The following EXOC2 variants were observed in gnomAD, a reference collection of about 807,000 sequenced individuals.
The protein encoded by EXOC2 is exocyst complex component 2, also known as SEC5-like 1.
Under a neutral mutation model 131.8 loss-of-function variants are expected in EXOC2, and 70 were observed. The ratio of observed to expected loss-of-function variants is 0.53; its 90% CI spans 0.44 to 0.65. EXOC2 has a LOEUF of 0.65. EXOC2 is among the 30% of genes least tolerant of loss of function. EXOC2 has a pLI of 0.00. For missense variants in EXOC2, 923 were observed against 1,108.6 expected (o/e 0.83, Z 2.38); for synonymous variants, 411 against 398.4 (o/e 1.03, Z -0.38).
intron 11 of EXOC2, among the ~76,000 whole-genome samples, chr6:578,504 T>C (rs775795402): frequency 2.6e-5 from 4 of 152,200 alleles, no homozygotes; most frequent in Non-Finnish European, 4.4e-5. Context: ...AAAGGCTTGA[T>C]CTGACTGAGG....
intron 22 of EXOC2, among the ~76,000 whole-genome samples, chr6:548,246 T>G (rs539047701): frequency 6.6e-6 from 1 of 152,148 alleles, no homozygotes; most frequent in Non-Finnish European, 1.5e-5. Flanking sequence ...TTTGACATTT[T>G]CACTCTTTGA....
chr6:550,043 G>A (rs1448465005), intron 21 of EXOC2, among the ~76,000 whole-genome samples: 1 of 152,208 alleles, frequency 6.6e-6, no homozygotes, highest in African/African-American at 2.4e-5. Context: ...AAGACTACCT[G>A]GTAAATAAAA....
intron 22 of EXOC2, among the ~76,000 whole-genome samples, chr6:537,857 G>C (rs973959192): frequency 1.3e-5 from 2 of 152,228 alleles, no homozygotes; most frequent in Non-Finnish European, 1.5e-5. Flanking sequence ...GGAACTCCAC[G>C]TAAAGTTCTG....
At chr6:557,605 G>A (rs376321237) in intron 17 of EXOC2, among the ~76,000 whole-genome samples, 56 of 107,268 alleles carry the variant, frequency 5.2e-4, no homozygotes, top group African/African-American at 2.0e-3. Context: ...GTGACAGAGA[G>A]AGACTTCATC....
chr6:514,935 C>T (rs928414527), intron 23 of EXOC2, among the ~76,000 whole-genome samples: 1 of 152,196 alleles, frequency 6.6e-6, no homozygotes, highest in Non-Finnish European at 1.5e-5. Flanking sequence ...ATGACCAGAT[C>T]GGCGCATGCA....
At chr6:665,437 C>A in intron 1 of EXOC2, among the ~76,000 whole-genome samples, 1 of 152,182 alleles carries the variant, frequency 6.6e-6, no homozygotes, top group Non-Finnish European at 1.5e-5. Context: ...TACTGGGTAT[C>A]TACCCAGAAG....
At chr6:505,414 TCAGA>T (rs1167966494) in intron 23 of EXOC2, among the ~76,000 whole-genome samples, 4 of 152,228 alleles carry the variant, frequency 2.6e-5, no homozygotes, top group African/African-American at 9.6e-5. Context: ...AGACTGGGCC[TCAGA>T]CACTCATTAC....
intron 4 of EXOC2, among the ~76,000 whole-genome samples, chr6:622,767 G>A (rs1430963105): frequency 1.3e-5 from 2 of 152,198 alleles, no homozygotes; most frequent in African/African-American, 4.8e-5. Flanking sequence ...GCTTAAATTG[G>A]TGGTACTGAT....
intron 7 of EXOC2, among the ~76,000 whole-genome samples, chr6:604,795 C>A (rs936653299): frequency 5.9e-5 from 9 of 151,538 alleles, no homozygotes; most frequent in African/African-American, 1.7e-4. Flanking sequence ...CGCGCTGGCC[C>A]CGCGGGGACA....
chr6:656,760 G>GC, intron 1 of EXOC2: 1 of 1,589,094 alleles, frequency 6.3e-7, no homozygotes, highest in Non-Finnish European at 8.6e-7. Flanking sequence ...CTGCTGGAAG[G>GC]CCCCCTGCCG....
At chr6:598,489 C>T (rs139546405) in intron 9 of EXOC2, among the ~76,000 whole-genome samples, 573 of 152,246 alleles carry the variant, frequency 3.8e-3, no homozygotes, top group Non-Finnish European at 5.5e-3. Context: ...GCTGAGCTTC[C>T]TTTAAAGGAG....
Position 691,813 on chromosome 6 carries a change from C to T in EXOC2, c.-44+1206G>A, listed in dbSNP as rs115514156. Among the ~76,000 whole-genome samples the T allele has an allele frequency of 2.1e-3, 322 of 152,320 alleles. 1 individual carries two copies. Among genetic ancestry groups the T allele is most frequent in the African/African-American group, 7.3e-3 (305 of 41,572 alleles). ...CTTTCTAAAACTTCCAAGAGTTGGTCCAAGTCACACTGGGGGAACTCTGCT... is the reference window on the plus strand; with the variant it reads ...CTTTCTAAAACTTCCAAGAGTTGGTTCAAGTCACACTGGGGGAACTCTGCT... On this transcript the variant is annotated intron_variant, in intron 1 of 27. Coordinates refer to ENST00000230449, the MANE Select transcript of EXOC2 (RefSeq NM_018303.6).
chr6:559,563 C>A (rs116415804), intron 17 of EXOC2, among the ~76,000 whole-genome samples: 29 of 152,282 alleles, frequency 1.9e-4, no homozygotes, highest in African/African-American at 7.0e-4. Context: ...GGGGTCAGTT[C>A]TTTCGTCCCT....
At chr6:555,488 A>T in intron 19 of EXOC2, among the ~76,000 whole-genome samples, 200 bp from the exon 20 acceptor site, 1 of 152,228 alleles carries the variant, frequency 6.6e-6, no homozygotes, top group Admixed American at 6.5e-5. Context: ...CATATCTATC[A>T]CATAAGTAAT....
chr6:621,414 A>G (rs1487377442), intron 4 of EXOC2, among the ~76,000 whole-genome samples: 1 of 152,194 alleles, frequency 6.6e-6, no homozygotes, highest in Non-Finnish European at 1.5e-5. Flanking sequence ...TGTGAGCTGC[A>G]AAACCAGATC....
chr6:486,784 G>A lies in EXOC2; in HGVS notation c.2682-20C>T, dbSNP rs1581270942. On this transcript the variant is annotated intron_variant, in intron 27 of 27. Transcript: ENST00000230449. Reference sequence around the variant, plus strand: ...AGTAACCTGCAGGACGGAGACACTTGTTTTACAGCCCGACAGATGGGGCGG... The same window carrying A: ...AGTAACCTGCAGGACGGAGACACTTATTTTACAGCCCGACAGATGGGGCGG... 2 of 1,602,432 alleles carry A rather than the reference G, an allele frequency of 1.2e-6. No individual in the cohort carries two copies. Among genetic ancestry groups the A allele is most frequent in the East Asian group, 2.2e-5 (1 of 44,764 alleles).
intron 22 of EXOC2, 61 bp downstream of exon 22, chr6:549,114 A>C: frequency 7.2e-7 from 1 of 1,392,874 alleles, no homozygotes; most frequent in Non-Finnish European, 1.0e-6. Context: ...AGGCTAGGAA[A>C]CAGCTTGAAA....
At chr6:543,406 A>G (rs1318492592) in intron 22 of EXOC2, among the ~76,000 whole-genome samples, 1 of 152,222 alleles carries the variant, frequency 6.6e-6, no homozygotes, top group Admixed American at 6.5e-5. Flanking sequence ...GGAATCTACA[A>G]AAGTCATTAT....
At chr6:620,869 G>A (rs1448185039) in intron 4 of EXOC2, among the ~76,000 whole-genome samples, 1 of 152,200 alleles carries the variant, frequency 6.6e-6, no homozygotes, top group Non-Finnish European at 1.5e-5. Flanking sequence ...GTCCTTCGGG[G>A]CCTGTGCCTG....
Sources: allele counts gnomAD v4.1 joint callset (sites outside exome capture counted in the v4.1 genomes callset), GRCh38; gene constraint gnomAD v4.1.1; transcripts MANE v1.5; gene names NCBI Gene and HGNC (gene_info 2026-07-23, HGNC 2026-07-21).